The following WDR70 variants were observed in gnomAD, a reference collection of about 807,000 sequenced individuals.
WDR70 encodes the protein WD repeat domain 70.
WDR70 carries 53 observed loss-of-function variants against 88.6 expected under a neutral mutation model. That is an observed-to-expected ratio of 0.60 (90% CI 0.48 to 0.75). The LOEUF (loss-of-function observed/expected upper bound fraction) is 0.75, where lower values mean the gene tolerates loss of function less well. WDR70 is among the 30% of genes least tolerant of loss of function. WDR70 has a pLI of 0.00. For synonymous variants in WDR70, 280 were observed against 270.0 expected (o/e 1.04, Z -0.36); for missense variants, 610 against 823.2 (o/e 0.74, Z 3.17).
chr5:37,585,649 C>A (rs765763608), intron 9 of WDR70, among the ~76,000 whole-genome samples: 2 of 152,196 alleles, frequency 1.3e-5, no homozygotes, highest in African/African-American at 2.4e-5. Flanking sequence ...AAAATACCAT[C>A]ATTCTGCTCT....
intron 8 of WDR70, among the ~76,000 whole-genome samples, chr5:37,500,425 A>G (rs559343634): frequency 6.6e-6 from 1 of 152,286 alleles, no homozygotes; most frequent in East Asian, 1.9e-4. Flanking sequence ...TTTTGATATA[A>G]TGACTTCTTT....
At position 37,440,352 on chromosome 5, in the gene WDR70, CT is replaced by C. The variant is rs397747138; in HGVS notation, c.552+2382del. ...CTCATTCTCAAGTTGGAACAAGACA[CT>C]TTTTTTTTTTGAGACAAAGTCTTGC... On this transcript the variant is annotated intron_variant, in intron 6 of 17. Transcript: ENST00000265107. Among the ~76,000 whole-genome samples, 646 of 147,226 alleles carry C rather than the reference CT, an allele frequency of 4.4e-3. 7 individuals carry two copies. The highest frequency in any genetic ancestry group is 0.015 in the African/African-American group (593 of 40,558).
intron 9 of WDR70, among the ~76,000 whole-genome samples, chr5:37,517,866 TTATTA>T (rs202103270): frequency 0.013 from 1,986 of 147,556 alleles, 31 homozygotes; most frequent in Non-Finnish European, 0.016. Flanking sequence ...TTTTATTATA[TTATTA>T]TATTATATAT....
At chr5:37,398,841 CTGTA>C (rs1206949458) in intron 5 of WDR70, among the ~76,000 whole-genome samples, 1 of 152,052 alleles carries the variant, frequency 6.6e-6, no homozygotes, top group Admixed American at 6.6e-5. Context: ...TTAAATATCT[CTGTA>C]GGTTGAAATA....
intron 10 of WDR70, among the ~76,000 whole-genome samples, chr5:37,625,663 T>A (rs1488557804): frequency 6.6e-5 from 10 of 152,106 alleles, no homozygotes; most frequent in Non-Finnish European, 1.5e-4. Context: ...TAGTTGGGAT[T>A]ACAGGTGCCC....
At chr5:37,408,008 C>G (rs10058009) in intron 5 of WDR70, among the ~76,000 whole-genome samples, 2,034 of 152,194 alleles carry the variant, frequency 0.013, 45 homozygotes, top group African/African-American at 0.046. Flanking sequence ...AGTCTTTTCT[C>G]TCCCTCACAT....
chr5:37,600,407 G>A (rs1269557869), intron 9 of WDR70, among the ~76,000 whole-genome samples: 2 of 151,892 alleles, frequency 1.3e-5, no homozygotes, highest in Non-Finnish European at 2.9e-5. Flanking sequence ...GGCGCCTGTA[G>A]TCCCAGCTAC....
intron 10 of WDR70, among the ~76,000 whole-genome samples, chr5:37,674,664 G>A (rs565301286): frequency 2.9e-4 from 44 of 152,200 alleles, no homozygotes; most frequent in Non-Finnish European, 6.0e-4. Context: ...CCAAGTCTTT[G>A]CTATTGTGAA....
At position 37,421,459 on chromosome 5, in the gene WDR70, C is replaced by G. The variant is rs531952285; in HGVS notation, c.493-16463C>G. 3.5e-4 allele frequency among the ~76,000 whole-genome samples: 54 copies of G among 152,318 alleles called. No individual in the cohort carries two copies. The Middle Eastern group carries it at 0.01, about 29-fold the overall frequency. The stretch of plus-strand genomic sequence containing the variant: ...TTTGTGACAGACCTATCTCTTTCAT[C>G]AAGGAAGACCTTTTTCATTTTTCAG... On this transcript the variant is annotated intron_variant, in intron 5 of 17. Transcript: ENST00000265107.
chr5:37,526,897 A>G (rs571774660), intron 9 of WDR70, among the ~76,000 whole-genome samples: 11 of 151,610 alleles, frequency 7.3e-5, no homozygotes, highest in East Asian at 1.9e-4. Context: ...CAAAGAGAAT[A>G]AAATACCTAG....
chr5:37,466,461 C>A (rs1371940303), intron 7 of WDR70, among the ~76,000 whole-genome samples: 1 of 152,088 alleles, frequency 6.6e-6, no homozygotes, highest in Admixed American at 6.5e-5. Context: ...AATCCCAGCA[C>A]TTTGGGAGGC....
At chr5:37,594,808 TA>T (rs1253893434) in intron 9 of WDR70, among the ~76,000 whole-genome samples, 1 of 152,142 alleles carries the variant, frequency 6.6e-6, no homozygotes, top group Non-Finnish European at 1.5e-5. Flanking sequence ...GTCCTCTTTA[TA>T]TTTCGTTGAG....
intron 6 of WDR70, among the ~76,000 whole-genome samples, chr5:37,439,419 G>A (rs1458549511): frequency 1.3e-5 from 2 of 152,108 alleles, no homozygotes; most frequent in African/African-American, 2.4e-5. Flanking sequence ...TGTAGACTGA[G>A]TATTTAAAAG....
chr5:37,713,560 G>C (rs1238788522), intron 13 of WDR70, among the ~76,000 whole-genome samples: 1 of 151,766 alleles, frequency 6.6e-6, no homozygotes, highest in East Asian at 1.9e-4. Context: ...GCTAGATAAG[G>C]AATCAGCCAC....
intron 9 of WDR70, among the ~76,000 whole-genome samples, chr5:37,521,732 A>ACACC (rs1940417627): frequency 2.0e-5 from 3 of 151,682 alleles, no homozygotes. Flanking sequence ...ACACACACAC[A>ACACC]CACACACACC....
At chr5:37,390,246 A>C (rs1029224909) in intron 3 of WDR70, among the ~76,000 whole-genome samples, 1 of 73,618 alleles carries the variant, frequency 1.4e-5, no homozygotes, top group African/African-American at 2.7e-5. Flanking sequence ...TTAATGTAGT[A>C]GTTTTTTTTT....
chr5:37,665,828 A>C (rs1430308326), intron 10 of WDR70, among the ~76,000 whole-genome samples: 1 of 152,094 alleles, frequency 6.6e-6, no homozygotes, highest in Admixed American at 6.5e-5. Flanking sequence ...TGTCTTTTTG[A>C]CTGACTTTGA....
At chr5:37,737,300 G>A (rs1748329638) in intron 17 of WDR70, among the ~76,000 whole-genome samples, 1 of 152,126 alleles carries the variant, frequency 6.6e-6, no homozygotes, top group South Asian at 2.1e-4. Flanking sequence ...CACAGAGGTA[G>A]CAGGTGGCAA....
chr5:37,748,334 A>G (rs1748696014), intron 17 of WDR70, among the ~76,000 whole-genome samples: 1 of 152,242 alleles, frequency 6.6e-6, no homozygotes, highest in Non-Finnish European at 1.5e-5. Context: ...CTGATCTTCG[A>G]CAAACCTGAC....
Sources: gnomAD v4.1 joint callset for allele counts (sites outside exome capture counted in the v4.1 genomes callset) on GRCh38, gnomAD v4.1.1 for gene constraint, MANE v1.5 for transcripts, NCBI Gene and HGNC (gene_info 2026-07-23, HGNC 2026-07-21) for gene names.